The following HNRNPA1 variants were observed in gnomAD, a reference collection of about 807,000 sequenced individuals.
HNRNPA1 encodes heterogeneous nuclear ribonucleoprotein A1.
In HNRNPA1, 7 loss-of-function variants were observed where a neutral mutation model predicts 44.4. The ratio of observed to expected loss-of-function variants is 0.16; its 90% CI spans 0.09 to 0.30. HNRNPA1 has a LOEUF of 0.30. HNRNPA1 is among the 10% of genes least tolerant of loss of function. The pLI is 1.00. For synonymous variants in HNRNPA1, 169 were observed against 160.6 expected (o/e 1.05, Z -0.40); for missense variants, 193 against 465.8 (o/e 0.41, Z 5.39).
In HNRNPA1 at chr12:54,286,319, T is replaced by TA. The variant is rs1447072431; in HGVS notation, c.*1776dup. The TA allele has an allele frequency of 6.6e-6, 1 of 152,180 alleles. No homozygotes were observed. The highest frequency in any genetic ancestry group is 1.5e-5 in the Non-Finnish European group (1 of 68,034). 9.4% of individuals were successfully genotyped at this position (152,180 alleles called of 1,614,324 possible). A position where few individuals can be genotyped will look rare whatever the true frequency, so the allele number is the denominator to read the frequency against. On this transcript the variant is annotated 3_prime_UTR_variant, in exon 11 of 11. Coordinates refer to ENST00000340913, the MANE Select transcript of HNRNPA1 (RefSeq NM_031157.4). ...CAGATTTTACTTACATCCATATAGT[T>TA]ACTTAAAGTCCAGTTTTCTGTTAAA... is the stretch of plus-strand genomic sequence containing the variant.
chr12:54,284,715 GTA>G lies in HNRNPA1; in HGVS notation c.*173_*174del, dbSNP rs1225287850. The G allele has an allele frequency of 2.2e-6, 1 of 455,818 alleles. No individual in the cohort carries two copies. Among genetic ancestry groups the G allele is most frequent in the Non-Finnish European group, 4.3e-6 (1 of 232,110 alleles). The allele number at this position is 455,818 out of a possible 1,614,324, so 28.2% of individuals were successfully genotyped here. On this transcript the variant is annotated 3_prime_UTR_variant, in exon 11 of 11. Coordinates refer to ENST00000340913, the MANE Select transcript of HNRNPA1 (RefSeq NM_031157.4). ...TGTATGGGCAAAAAACTCGAGGACT[GTA>G]TTTGTGACTAATTGTATAACAGGTT...
intron 3 of HNRNPA1, 53 bp downstream of exon 3, chr12:54,281,994 TATGGACTTAA>T: frequency 6.2e-7 from 1 of 1,605,286 alleles, no homozygotes; most frequent in Non-Finnish European, 8.5e-7. Flanking sequence ...TATGTGCTGC[TATGGACTTAA>T]GATTCGGGAG....
At chr12:54,281,154 A>G (rs1225805280) in intron 1 of HNRNPA1, 2 of 700,208 alleles carry the variant, frequency 2.9e-6, no homozygotes, top group East Asian at 2.7e-5. Context: ...CTACCGCCCA[A>G]GCCTTTGTTG....
In HNRNPA1 at chr12:54,282,296, T is replaced by C. The variant is rs1592171646; in HGVS notation, c.486T>C (p.Ile162=). 1 of 1,613,838 alleles carries C rather than the reference T, an allele frequency of 6.2e-7. No homozygotes were observed. The highest frequency in any genetic ancestry group is 8.5e-7 in the Non-Finnish European group (1 of 1,179,944). The change falls in exon 4 of 11, where the codon ATT becomes ATC. Residue 162 remains isoleucine, a synonymous_variant. Coordinates refer to ENST00000340913, the MANE Select transcript of HNRNPA1 (RefSeq NM_031157.4). The part of the protein sequence containing the change: ...TFDDHDSVDK[I]VIQKYHTVNG... ...ACGACCATGACTCCGTGGATAAGAT[T>C]GTCAGTAAGTATCAGATAGTGGCAT...
Position 54,285,998 on chromosome 12 carries a change from C to T in HNRNPA1, c.*1454C>T, listed in dbSNP as rs1223563258. Reference sequence around the variant, plus strand: ...GGGAGTTTGCAGATACCTCAGGATTCGTGACAATGCCTTTAAAGATCCAGG... The same window carrying T: ...GGGAGTTTGCAGATACCTCAGGATTTGTGACAATGCCTTTAAAGATCCAGG... On this transcript the variant is annotated 3_prime_UTR_variant, in exon 11 of 11. Transcript: ENST00000340913. The T allele has an allele frequency of 2.0e-5, 3 of 152,060 alleles. No individual in the cohort carries two copies. The highest frequency in any genetic ancestry group is 7.2e-5 in the African/African-American group (3 of 41,392). 9.4% of individuals were successfully genotyped at this position (152,060 alleles called of 1,614,324 possible).
chr12:54,286,305 T>TAA lies in HNRNPA1; in HGVS notation c.*1762_*1763insAA, dbSNP rs942968072. 1.3e-5 allele frequency: 2 copies of TAA among 152,166 alleles called. No homozygotes were observed. Among genetic ancestry groups the TAA allele is most frequent in the African/African-American group, 4.8e-5 (2 of 41,442 alleles). The allele number at this position is 152,166 out of a possible 1,614,324, so 9.4% of individuals were successfully genotyped here. A position where few individuals can be genotyped will look rare whatever the true frequency, so the allele number is the denominator to read the frequency against. On this transcript the variant is annotated 3_prime_UTR_variant, in exon 11 of 11. Coordinates refer to ENST00000340913, the MANE Select transcript of HNRNPA1 (RefSeq NM_031157.4). The stretch of plus-strand genomic sequence containing the variant: ...CGGGTAGGTAAGAACAGATTTTACT[T>TAA]ACATCCATATAGTTACTTAAAGTCC...
chr12:54,283,229 G>A lies in HNRNPA1; in HGVS notation c.902G>A (p.Gly301Asp). ...NNGGGGGFGG[G>D]SGSNFGGGGS... Reference sequence around the variant, plus strand: ...GGAGGCGGAGGCGGCTTTGGCGGTGGTAGTGGTAGGTATCCAGTGATCCAA... The same window carrying A: ...GGAGGCGGAGGCGGCTTTGGCGGTGATAGTGGTAGGTATCCAGTGATCCAA... Residue 301 changes from glycine to aspartate, a missense_variant, in exon 8 of 11, where the codon GGT (glycine) becomes GAT (aspartate). Around this residue, in one of 2 missense-constraint regions of HNRNPA1, gnomAD observed 136 missense variants for 234.4 expected, o/e 0.58. Transcript: ENST00000340913. The A allele has an allele frequency of 6.2e-7, 1 of 1,611,162 alleles. No individual in the cohort carries two copies. Among genetic ancestry groups the A allele is most frequent in the Non-Finnish European group, 8.5e-7 (1 of 1,178,646 alleles).
intron 3 of HNRNPA1, 27 bp downstream of exon 3, chr12:54,281,968 C>T (rs1255135128): frequency 6.2e-7 from 1 of 1,610,230 alleles, no homozygotes; most frequent in East Asian, 2.2e-5. Flanking sequence ...TCTTCTTCTT[C>T]TTAAACTTAC....
At chr12:54,284,085 G>A in intron 9 of HNRNPA1, 118 bp downstream of exon 9, 1 of 1,353,232 alleles carries the variant, frequency 7.4e-7, no homozygotes, top group Non-Finnish European at 1.0e-6. Flanking sequence ...AGAACCTTCA[G>A]AAAGTGATAA....
chr12:54,284,208 AC>A, intron 9 of HNRNPA1, 49 bp from the exon 10 acceptor site: 3 of 1,571,974 alleles, frequency 1.9e-6, no homozygotes, highest in Non-Finnish European at 2.6e-6. Flanking sequence ...AAATATGAAA[AC>A]ATTACTGTTG....
At chr12:54,284,100 A>G in intron 9 of HNRNPA1, 133 bp downstream of exon 9, 1 of 1,306,944 alleles carries the variant, frequency 7.7e-7, no homozygotes, top group Non-Finnish European at 1.0e-6. Context: ...TGATAATTTG[A>G]TCACAAATTA....
chr12:54,280,891 G>A, intron 1 of HNRNPA1, 69 bp downstream of exon 1: 1 of 1,560,524 alleles, frequency 6.4e-7, no homozygotes, highest in South Asian at 1.1e-5. Flanking sequence ...GATGCTGCTG[G>A]GTTTCGTTCC....
Position 54,287,074 on chromosome 12 carries a change from C to T in HNRNPA1, c.*2530C>T, listed in dbSNP as rs1592176416. ...TGAATGGGTTTTTTTTTTTAATAAA[C>T]TGTATTTAACTTAGTTCTGCTTGTT... On this transcript the variant is annotated 3_prime_UTR_variant, in exon 11 of 11. Transcript: ENST00000340913. The T allele has an allele frequency of 6.6e-6, 1 of 151,444 alleles. No homozygotes were observed. Among genetic ancestry groups the T allele is most frequent in the Non-Finnish European group, 1.5e-5 (1 of 67,898 alleles). The allele number at this position is 151,444 out of a possible 1,614,324, so 9.4% of individuals were successfully genotyped here. A position where few individuals can be genotyped will look rare whatever the true frequency, so the allele number is the denominator to read the frequency against.
At chr12:54,284,369 A>G (rs1944234351) in intron 10 of HNRNPA1, 52 bp downstream of exon 10, 1 of 1,415,518 alleles carries the variant, frequency 7.1e-7, no homozygotes, top group South Asian at 1.2e-5. Flanking sequence ...TTGCTGATGA[A>G]CCCAATAACC....
Position 54,284,265 on chromosome 12 carries a change from T to C in HNRNPA1, c.1071T>C (p.Tyr357=). The C allele has an allele frequency of 6.2e-7, 1 of 1,614,126 alleles. No individual in the cohort carries two copies. The highest frequency in any genetic ancestry group is 2.2e-5 in the East Asian group (1 of 44,886). ...YFAKPRNQGG[Y]GGSSSSSSYG... ...AAAAATTGTACTTTTCAGGTGGCTA[T>C]GGCGGTTCCAGCAGCAGCAGTAGCT... Residue 357 remains tyrosine, a synonymous_variant, in exon 10 of 11, where the codon TAT becomes TAC. Transcript: ENST00000340913.
chr12:54,283,376 G>A (rs2137044400), intron 8 of HNRNPA1, 142 bp downstream of exon 8: 1 of 925,142 alleles, frequency 1.1e-6, no homozygotes, highest in African/African-American at 1.7e-5. Context: ...CCTCCTCCTA[G>A]CTTTAAGCTG....
Position 54,280,729 on chromosome 12 carries a change from T to C in HNRNPA1, c.-79T>C. On this transcript the variant is annotated 5_prime_UTR_variant, in exon 1 of 11. Coordinates refer to ENST00000340913, the MANE Select transcript of HNRNPA1 (RefSeq NM_031157.4). ...GAGAGGGCGAAGGTAGGCTGGCAGATACGTTCGTCAGCTTGCTCCTTTCTG... is the reference window on the plus strand; with the variant it reads ...GAGAGGGCGAAGGTAGGCTGGCAGACACGTTCGTCAGCTTGCTCCTTTCTG... 2 of 1,543,192 alleles carry C rather than the reference T, an allele frequency of 1.3e-6. No homozygotes were observed. Among genetic ancestry groups the C allele is most frequent in the Non-Finnish European group, 1.8e-6 (2 of 1,115,810 alleles).
chr12:54,283,271 C>T (rs111503359), intron 8 of HNRNPA1, 37 bp downstream of exon 8: 31,084 of 1,601,228 alleles, frequency 0.019, 381 homozygotes, highest in Non-Finnish European at 0.023. Context: ...GGTGTGACAG[C>T]TAGATTAGCC....
intron 8 of HNRNPA1, 150 bp from the exon 9 acceptor site, chr12:54,283,662 C>A: frequency 1.3e-6 from 1 of 767,848 alleles, no homozygotes; most frequent in Non-Finnish European, 2.2e-6. Flanking sequence ...AATGCCTTTC[C>A]CAGAGAATGA....
Sources: gnomAD v4.1 joint callset for allele counts on GRCh38, gnomAD v4.1.1 for gene constraint, gnomAD v4.1.1 regional missense constraint, MANE v1.5 for transcripts, NCBI Gene and HGNC (gene_info 2026-07-23, HGNC 2026-07-21) for gene names.